ZNF385D: variants seen among roughly 807,000 people sequenced by gnomAD.
ZNF385D encodes zinc finger protein 659.
ZNF385D carries 15 observed loss-of-function variants against 35.8 expected under a neutral mutation model. The ratio of observed to expected loss-of-function variants is 0.42; its 90% CI spans 0.28 to 0.64. The LOEUF is 0.64. Among genes scored for constraint, ZNF385D ranks in the 30% least tolerant of loss-of-function variants. The pLI is 0.23. For synonymous variants in ZNF385D, 212 were observed against 186.8 expected, an observed-to-expected ratio of 1.13 and a Z score of -1.10; for missense variants, 474 against 494.6, an observed-to-expected ratio of 0.96 and a Z score of 0.39.
chr3:21,804,819 C>A (rs1559638772), intron 3 of ZNF385D, among the ~76,000 whole-genome samples: 1 of 151,736 alleles, frequency 6.6e-6, no homozygotes, highest in African/African-American at 2.4e-5. Flanking sequence ...AGTTCAAAGG[C>A]TATTTAATAT....
intron 3 of ZNF385D, among the ~76,000 whole-genome samples, chr3:21,999,074 C>T (rs755993068): frequency 2.6e-5 from 4 of 152,276 alleles, no homozygotes; most frequent in Non-Finnish European, 2.9e-5. Context: ...TTTTACCAGA[C>T]GTACTCATTC....
chr3:21,965,126 T>C (rs190685402), intron 3 of ZNF385D, among the ~76,000 whole-genome samples: 1 of 152,280 alleles, frequency 6.6e-6, no homozygotes, highest in East Asian at 1.9e-4. Flanking sequence ...AGATCTATGA[T>C]GAAGAGACAG....
intron 3 of ZNF385D, among the ~76,000 whole-genome samples, chr3:22,039,018 A>G (rs996271892): frequency 6.6e-6 from 1 of 151,598 alleles, no homozygotes; most frequent in African/African-American, 2.4e-5. Flanking sequence ...ATACCTTGTA[A>G]TTTATGTAGT....
At chr3:21,547,483 T>C (rs1418908205) in intron 3 of ZNF385D, among the ~76,000 whole-genome samples, 1 of 152,068 alleles carries the variant, frequency 6.6e-6, no homozygotes, top group African/African-American at 2.4e-5. Context: ...TAGCCCCTTC[T>C]GCTGGGACCC....
At chr3:21,636,575 C>A (rs3996211) in intron 2 of ZNF385D, among the ~76,000 whole-genome samples, 1 of 150,524 alleles carries the variant, frequency 6.6e-6, no homozygotes, top group Non-Finnish European at 1.5e-5. Context: ...AAAGATGTAG[C>A]CTGGGAGGTT....
At chr3:21,843,870 T>C (rs191649422) in intron 3 of ZNF385D, among the ~76,000 whole-genome samples, 1 of 152,060 alleles carries the variant, frequency 6.6e-6, no homozygotes, top group East Asian at 1.9e-4. Context: ...ATTCTAATCA[T>C]CAACCACTCC....
At chr3:22,011,568 C>T (rs1247911289) in intron 3 of ZNF385D, among the ~76,000 whole-genome samples, 1 of 151,964 alleles carries the variant, frequency 6.6e-6, no homozygotes, top group East Asian at 1.9e-4. Flanking sequence ...CATTTTGATG[C>T]ATAAAATAAG....
chr3:21,829,899 G>C (rs1014763763), intron 3 of ZNF385D, among the ~76,000 whole-genome samples: 3 of 152,042 alleles, frequency 2.0e-5, no homozygotes, highest in African/African-American at 7.2e-5. Flanking sequence ...CGAGGCAGGA[G>C]GATCACTTGA....
chr3:22,065,072 CAAATT>C (rs1311643671), intron 3 of ZNF385D, among the ~76,000 whole-genome samples: 1 of 152,142 alleles, frequency 6.6e-6, no homozygotes, highest in Non-Finnish European at 1.5e-5. Flanking sequence ...AGTCCTTAAA[CAAATT>C]AGTTAGCCTT....
chr3:22,178,780 T>A (rs898049929), intron 2 of ZNF385D, among the ~76,000 whole-genome samples: 2 of 152,208 alleles, frequency 1.3e-5, no homozygotes, highest in Admixed American at 6.5e-5. Context: ...AAGGAAGGGA[T>A]CTAGTTTCAG....
At chr3:22,239,241 A>G (rs1699356853) in intron 2 of ZNF385D, among the ~76,000 whole-genome samples, 1 of 151,090 alleles carries the variant, frequency 6.6e-6, no homozygotes, top group African/African-American at 2.4e-5. Flanking sequence ...AGTAAAATGA[A>G]ATTGGAACAT....
chr3:21,947,502 C>T (rs1701851401), intron 3 of ZNF385D, among the ~76,000 whole-genome samples: 1 of 152,100 alleles, frequency 6.6e-6, no homozygotes, highest in Non-Finnish European at 1.5e-5. Context: ...AGGTGTGCAC[C>T]ACCATGCCTG....
upstream of ZNF385D, among the ~76,000 whole-genome samples, chr3:21,754,502 A>G (rs1488302826): frequency 6.6e-6 from 1 of 152,160 alleles, no homozygotes; most frequent in South Asian, 2.1e-4. Flanking sequence ...TTAAAATATC[A>G]TGGTTGGGTG....
At chr3:22,245,180 A>G (rs1247272510) in intron 2 of ZNF385D, among the ~76,000 whole-genome samples, 1 of 152,166 alleles carries the variant, frequency 6.6e-6, no homozygotes. Context: ...AATTCCAGCA[A>G]CATTATTATT....
At chr3:22,075,341 C>T (rs1700411129) in intron 3 of ZNF385D, among the ~76,000 whole-genome samples, 1 of 151,862 alleles carries the variant, frequency 6.6e-6, no homozygotes, top group Admixed American at 6.6e-5. Context: ...GCAATCACCT[C>T]TCCTCCCTCA....
chr3:22,332,693 A>G (rs1043106831), intron 2 of ZNF385D, among the ~76,000 whole-genome samples: 1 of 152,150 alleles, frequency 6.6e-6, no homozygotes, highest in Non-Finnish European at 1.5e-5. Flanking sequence ...AGCCAAGATG[A>G]GAATTTGAAT....
rs1006087341 is a variant in ZNF385D at position 21,807,180 on chromosome 3, G to A, written c.326-142152C>T. On this transcript the variant is annotated intron_variant, in intron 3 of 5. Transcript: ENST00000494108. Reference sequence around the variant, plus strand: ...AGAATAGCTAAAATTAAGTTTAATAGTATACTTTATATAAACTAAAATATC... The same window carrying A: ...AGAATAGCTAAAATTAAGTTTAATAATATACTTTATATAAACTAAAATATC... Among the ~76,000 whole-genome samples the A allele has an allele frequency of 4.6e-5, 7 of 152,102 alleles. No homozygotes were observed. The East Asian group carries it at 7.7e-4, about 17-fold the overall frequency.
At chr3:22,155,240 T>C (rs571942716) in intron 3 of ZNF385D, among the ~76,000 whole-genome samples, 5 of 152,190 alleles carry the variant, frequency 3.3e-5, no homozygotes, top group Non-Finnish European at 7.4e-5. Flanking sequence ...CAGAAAAACA[T>C]TATTGATTGC....
At chr3:21,618,886 G>A (rs1010421961) in intron 2 of ZNF385D, among the ~76,000 whole-genome samples, 5 of 152,068 alleles carry the variant, frequency 3.3e-5, no homozygotes, top group Admixed American at 1.3e-4. Flanking sequence ...ATCTCTGACC[G>A]TGTGTCACTA....
Sources: allele counts gnomAD v4.1 joint callset (sites outside exome capture counted in the v4.1 genomes callset), GRCh38; gene constraint gnomAD v4.1.1; transcripts MANE v1.5; gene names NCBI Gene and HGNC (gene_info 2026-07-23, HGNC 2026-07-21).